Variants in ROBO2 observed in about 807,000 individuals in gnomAD.
The protein encoded by ROBO2 is roundabout homolog 2.
In ROBO2, 53 loss-of-function variants were observed where a neutral mutation model predicts 160.8. The observed-to-expected ratio is 0.33, with a 90% confidence interval of 0.26 to 0.41. The LOEUF is 0.41. Ranked by LOEUF, ROBO2 falls within the 10% of genes least tolerant of loss-of-function variation. The probability of loss-of-function intolerance (pLI) is 1.00; values close to 1 mark genes in which losing one functional copy is unlikely to be tolerated. For missense variants in ROBO2, 1,577 were observed against 1,722.4 expected, an observed-to-expected ratio of 0.92 and a Z score of 1.49; for synonymous variants, 664 against 611.7, an observed-to-expected ratio of 1.09 and a Z score of -1.26.
chr3:76,497,279 T>A (rs1265489479), intron 2 of ROBO2, among the ~76,000 whole-genome samples: 2 of 152,202 alleles, frequency 1.3e-5, no homozygotes, highest in Non-Finnish European at 2.9e-5. Flanking sequence ...CACCACAGCC[T>A]CAACCTCTCA....
chr3:77,115,876 T>C (rs1161355513), intron 2 of ROBO2, among the ~76,000 whole-genome samples: 2 of 152,156 alleles, frequency 1.3e-5, no homozygotes, highest in African/African-American at 4.8e-5. Context: ...ACCTTTGGAG[T>C]GGCTGGTGTC....
At chr3:76,693,272 C>A (rs1336089552) in intron 2 of ROBO2, among the ~76,000 whole-genome samples, 4 of 113,078 alleles carry the variant, frequency 3.5e-5, no homozygotes, top group Admixed American at 9.2e-5. Context: ...ATGTCTCTCT[C>A]TCTATATATA....
intron 2 of ROBO2, among the ~76,000 whole-genome samples, chr3:77,273,384 A>G (rs1426581359): frequency 1.3e-5 from 2 of 152,182 alleles, no homozygotes; most frequent in Non-Finnish European, 2.9e-5. Flanking sequence ...AAACTCAAGC[A>G]TGGATCCTTG....
chr3:77,445,714 A>T (rs1390309784), intron 2 of ROBO2, among the ~76,000 whole-genome samples: 1 of 151,594 alleles, frequency 6.6e-6, no homozygotes, highest in African/African-American at 2.4e-5. Context: ...TGATAAAAAT[A>T]TGCATGTATT....
intron 2 of ROBO2, among the ~76,000 whole-genome samples, chr3:77,202,764 A>T (rs532119101): frequency 6.6e-6 from 1 of 151,942 alleles, no homozygotes; most frequent in Non-Finnish European, 1.5e-5. Flanking sequence ...TTCATTCATC[A>T]AATATTTATT....
chr3:76,986,969 T>C (rs1330118740), intron 2 of ROBO2, among the ~76,000 whole-genome samples: 4 of 152,102 alleles, frequency 2.6e-5, no homozygotes, highest in Admixed American at 2.6e-4. Flanking sequence ...GAACGTGACA[T>C]TATAAAAAAC....
chr3:76,853,832 T>G (rs2148558418), intron 2 of ROBO2, among the ~76,000 whole-genome samples: 1 of 152,262 alleles, frequency 6.6e-6, no homozygotes, highest in East Asian at 1.9e-4. Flanking sequence ...ATTAAAATTT[T>G]ATTTTTTGTG....
chr3:76,856,460 T>G (rs994870459), intron 2 of ROBO2, among the ~76,000 whole-genome samples: 4 of 152,296 alleles, frequency 2.6e-5, no homozygotes, highest in African/African-American at 7.2e-5. Context: ...ACCTACTCAT[T>G]TAGCAAAAAT....
chr3:76,180,918 C>G (rs1014357432), intron 2 of ROBO2, among the ~76,000 whole-genome samples: 7 of 152,188 alleles, frequency 4.6e-5, no homozygotes, highest in Non-Finnish European at 1.5e-5. Flanking sequence ...CCCACTCTCC[C>G]CTATCTGCCT....
At chr3:77,060,624 C>G (rs1559925857) in intron 1 of ROBO2, among the ~76,000 whole-genome samples, 2 of 152,080 alleles carry the variant, frequency 1.3e-5, no homozygotes, top group Non-Finnish European at 2.9e-5. Flanking sequence ...AGAGGCTTTC[C>G]CTAGACCACC....
At chr3:77,266,836 A>G (rs1244806971) in intron 2 of ROBO2, among the ~76,000 whole-genome samples, 1 of 152,146 alleles carries the variant, frequency 6.6e-6, no homozygotes, top group Non-Finnish European at 1.5e-5. Context: ...GTATTTAAGC[A>G]TGTTGTTGCC....
intron 2 of ROBO2, among the ~76,000 whole-genome samples, chr3:76,605,416 C>T (rs2087570963): frequency 6.6e-6 from 1 of 151,874 alleles, no homozygotes; most frequent in Non-Finnish European, 1.5e-5. Flanking sequence ...AATCACTCAC[C>T]AAAATCAAAA....
At chr3:77,489,963 A>G (rs1365221287) in intron 4 of ROBO2, among the ~76,000 whole-genome samples, 1 of 152,040 alleles carries the variant, frequency 6.6e-6, no homozygotes, top group Non-Finnish European at 1.5e-5. Context: ...CTGCATTGTT[A>G]TATTTTGCAG....
chr3:76,935,651 G>T (rs2077650248), intron 2 of ROBO2, among the ~76,000 whole-genome samples: 2 of 152,146 alleles, frequency 1.3e-5, no homozygotes, highest in Non-Finnish European at 2.9e-5. Context: ...CCAGCAGATT[G>T]GGTGTCTGCT....
At chr3:76,210,641 G>A (rs1575888382) in intron 2 of ROBO2, among the ~76,000 whole-genome samples, 1 of 151,982 alleles carries the variant, frequency 6.6e-6, no homozygotes, top group East Asian at 1.9e-4. Flanking sequence ...ATTCTATCTA[G>A]CTTTTAATAT....
chr3:77,099,471 A>AT (rs2071602666), intron 2 of ROBO2, among the ~76,000 whole-genome samples: 1 of 152,044 alleles, frequency 6.6e-6, no homozygotes, highest in African/African-American at 2.4e-5. Context: ...CATATTTTTT[A>AT]TTTTTTGTGA....
intron 2 of ROBO2, among the ~76,000 whole-genome samples, chr3:77,226,862 A>G (rs1560286598): frequency 6.6e-6 from 1 of 152,194 alleles, no homozygotes. Flanking sequence ...GTGCTCAAAT[A>G]CAGTTGCTAC....
At chr3:77,185,155 A>G (rs1476672018) in intron 2 of ROBO2, among the ~76,000 whole-genome samples, 1 of 152,034 alleles carries the variant, frequency 6.6e-6, no homozygotes, top group African/African-American at 2.4e-5. Context: ...TAGTTCCATC[A>G]AAAATGAGGA....
At chr3:76,198,534 G>A (rs1388670023) in intron 2 of ROBO2, among the ~76,000 whole-genome samples, 1 of 152,124 alleles carries the variant, frequency 6.6e-6, no homozygotes, top group African/African-American at 2.4e-5. Flanking sequence ...CTGCAAAGGG[G>A]TCTCTTGTAG....
Sources: gnomAD v4.1 joint callset for allele counts (sites outside exome capture counted in the v4.1 genomes callset) on GRCh38, gnomAD v4.1.1 for gene constraint, MANE v1.5 for transcripts, NCBI Gene and HGNC (gene_info 2026-07-23, HGNC 2026-07-21) for gene names.